The following LRTM1 variants were observed in gnomAD, a reference collection of about 807,000 sequenced individuals.
The protein encoded by LRTM1 is leucine rich repeat transmembrane protein 1.
Under a neutral mutation model 32.4 loss-of-function variants are expected in LRTM1, and 38 were observed. The ratio of observed to expected loss-of-function variants is 1.17; its 90% CI spans 0.91 to 1.54. The LOEUF is 1.54. Among genes scored for constraint, LRTM1 ranks in the 40% most tolerant of loss-of-function variants. LRTM1 has a pLI of 0.00. For synonymous variants in LRTM1, 186 were observed against 169.9 expected, an observed-to-expected ratio of 1.09 and a Z score of -0.74; for missense variants, 466 against 415.4, an observed-to-expected ratio of 1.12 and a Z score of -1.06.
At chr3:54,925,655 T>C (rs1198339483) in intron 1 of LRTM1, among the ~76,000 whole-genome samples, 1 of 152,236 alleles carries the variant, frequency 6.6e-6, no homozygotes, top group Non-Finnish European at 1.5e-5. Flanking sequence ...CTAATACAAC[T>C]TTCTGTGATG....
At chr3:54,964,897 C>T (rs1413002717) in intron 1 of LRTM1, among the ~76,000 whole-genome samples, 2 of 151,822 alleles carry the variant, frequency 1.3e-5, no homozygotes, top group Non-Finnish European at 2.9e-5. Context: ...TCCCGTTACT[C>T]TCGATCCCTT....
chr3:54,919,858 A>G (rs902030684), intron 2 of LRTM1, among the ~76,000 whole-genome samples: 2 of 152,166 alleles, frequency 1.3e-5, no homozygotes, highest in Admixed American at 1.3e-4. Context: ...ATGAAACAAC[A>G]TCCAAACCCA....
At chr3:54,954,809 A>C (rs9858153) in intron 1 of LRTM1, among the ~76,000 whole-genome samples, 2 of 152,208 alleles carry the variant, frequency 1.3e-5, no homozygotes, top group Admixed American at 1.3e-4. Context: ...CTGAGGGAAC[A>C]GAGAAGAGCC....
chr3:54,925,142 A>G lies in LRTM1; in HGVS notation c.81T>C (p.Cys27=), dbSNP rs1473277918. The G allele has an allele frequency of 1.2e-6, 2 of 1,614,130 alleles. No homozygotes were observed. The highest frequency in any genetic ancestry group is 1.6e-4 in the Middle Eastern group (1 of 6,062). ...AGTCTACAAAATTTGTAGATGACTG[A>G]CAGTAACACTTGTCCGGGCAGCTGC... The part of the protein sequence containing the change: ...VVCSCPDKCY[C]QSSTNFVDCS... Residue 27 remains cysteine, a synonymous_variant, in exon 2 of 3, where the codon TGT becomes TGC. Coordinates refer to ENST00000273286, the MANE Select transcript of LRTM1 (RefSeq NM_020678.4).
At chr3:54,928,206 C>G (rs1178400252), upstream of LRTM1, 2 of 435,134 alleles carry the variant, frequency 4.6e-6, no homozygotes, top group African/African-American at 4.0e-5. Flanking sequence ...CCTGCCTTTC[C>G]CATTCAGACG....
At chr3:54,939,939 T>A (rs1237209755) in intron 1 of LRTM1, among the ~76,000 whole-genome samples, 1 of 152,188 alleles carries the variant, frequency 6.6e-6, no homozygotes, top group East Asian at 1.9e-4. Context: ...GAATGACCAC[T>A]CCCTTTCCAT....
intron 1 of LRTM1, among the ~76,000 whole-genome samples, chr3:54,943,576 T>A (rs9860648): frequency 0.18 from 26,946 of 152,180 alleles, 2,825 homozygotes; most frequent in African/African-American, 0.29. Flanking sequence ...CTTTTTTATG[T>A]TATTTTTCCC....
chr3:54,955,058 A>G (rs1205008907), intron 1 of LRTM1, among the ~76,000 whole-genome samples: 3 of 152,206 alleles, frequency 2.0e-5, no homozygotes, highest in Admixed American at 6.5e-5. Context: ...ATCAACTGAC[A>G]AAAGACCGAT....
At chr3:54,960,617 G>C (rs1040949636) in intron 1 of LRTM1, among the ~76,000 whole-genome samples, 5 of 152,050 alleles carry the variant, frequency 3.3e-5, no homozygotes, top group African/African-American at 1.2e-4. Flanking sequence ...ATTCTCCCTT[G>C]CCTATAATCT....
chr3:54,930,229 C>A (rs1701149866), upstream of LRTM1, among the ~76,000 whole-genome samples: 1 of 152,168 alleles, frequency 6.6e-6, no homozygotes, highest in Admixed American at 6.5e-5. Context: ...TAGTCCACCA[C>A]CCCACCTGTC....
At chr3:54,964,298 G>A (rs1028906520) in intron 1 of LRTM1, among the ~76,000 whole-genome samples, 1 of 152,178 alleles carries the variant, frequency 6.6e-6, no homozygotes, top group Non-Finnish European at 1.5e-5. Flanking sequence ...AGCAGGGAGG[G>A]AGCCCTGGGA....
intron 1 of LRTM1, among the ~76,000 whole-genome samples, chr3:54,956,067 T>C (rs1402337550): frequency 1.3e-5 from 2 of 152,178 alleles, no homozygotes; most frequent in Admixed American, 6.5e-5. Flanking sequence ...TTTCCCTGTC[T>C]CCTTCTCCCT....
intron 1 of LRTM1, among the ~76,000 whole-genome samples, chr3:54,963,635 T>C (rs559492565): frequency 7.0e-4 from 106 of 152,368 alleles, no homozygotes; most frequent in African/African-American, 2.4e-3. Flanking sequence ...CGATCATTGG[T>C]ATTCTGCAAA....
At chr3:54,932,674 A>G (rs1482592359), upstream of LRTM1, among the ~76,000 whole-genome samples, 1 of 152,164 alleles carries the variant, frequency 6.6e-6, no homozygotes, top group Non-Finnish European at 1.5e-5. Flanking sequence ...AGGGGTCTCT[A>G]CGTGTGATGA....
chr3:54,920,608 A>G (rs1201921003), intron 2 of LRTM1, among the ~76,000 whole-genome samples: 1 of 152,194 alleles, frequency 6.6e-6, no homozygotes, highest in Non-Finnish European at 1.5e-5. Flanking sequence ...CTCATGGACC[A>G]TTTCATTCCT....
chr3:54,931,620 C>A (rs1459644193), upstream of LRTM1, among the ~76,000 whole-genome samples: 1 of 152,176 alleles, frequency 6.6e-6, no homozygotes, highest in Non-Finnish European at 1.5e-5. Flanking sequence ...GCCAGGACCC[C>A]AGGTTCCCAC....
At chr3:54,959,629 A>G (rs1170723697) in intron 1 of LRTM1, among the ~76,000 whole-genome samples, 2 of 152,190 alleles carry the variant, frequency 1.3e-5, no homozygotes, top group African/African-American at 2.4e-5. Flanking sequence ...CTAGGGAGCT[A>G]TAACTTGGAA....
At chr3:54,957,948 C>T (rs1184698382) in intron 1 of LRTM1, among the ~76,000 whole-genome samples, 1 of 152,182 alleles carries the variant, frequency 6.6e-6, no homozygotes, top group Non-Finnish European at 1.5e-5. Flanking sequence ...GGACAGAGTC[C>T]AAACCACATG....
intron 2 of LRTM1, 152 bp downstream of exon 2, chr3:54,924,467 T>C (rs867866796): frequency 4.7e-6 from 3 of 642,908 alleles, no homozygotes; most frequent in Non-Finnish European, 5.4e-6. Flanking sequence ...CTCACTTGAC[T>C]CTTTTGCCAT....
Sources: gnomAD v4.1 joint callset for allele counts (sites outside exome capture counted in the v4.1 genomes callset) on GRCh38, gnomAD v4.1.1 for gene constraint, MANE v1.5 for transcripts, NCBI Gene and HGNC (gene_info 2026-07-23, HGNC 2026-07-21) for gene names.